Variants in CACNA2D3 observed in about 807,000 individuals in gnomAD.
The protein encoded by CACNA2D3 is voltage-dependent calcium channel subunit alpha-2/delta-3.
CACNA2D3 carries 60 observed loss-of-function variants against 160.6 expected under a neutral mutation model. The ratio of observed to expected loss-of-function variants is 0.37; its 90% CI spans 0.30 to 0.46. CACNA2D3 has a LOEUF of 0.46. Ranked by LOEUF, CACNA2D3 falls within the 20% of genes least tolerant of loss-of-function variation. The probability of loss-of-function intolerance (pLI) is 1.00; values close to 1 mark genes in which losing one functional copy is unlikely to be tolerated. For missense variants in CACNA2D3, 1,205 were observed against 1,365.0 expected, an observed-to-expected ratio of 0.88 and a Z score of 1.85; for synonymous variants, 558 against 492.9, an observed-to-expected ratio of 1.13 and a Z score of -1.75.
intron 24 of CACNA2D3, among the ~76,000 whole-genome samples, chr3:54,888,474 T>G (rs2106860668): frequency 6.6e-6 from 1 of 152,228 alleles, no homozygotes; most frequent in Middle Eastern, 3.4e-3. Flanking sequence ...GTGGTTTTAT[T>G]TCTGAAGTGG....
intron 5 of CACNA2D3, among the ~76,000 whole-genome samples, chr3:54,530,899 T>C (rs1037671413): frequency 2.0e-5 from 3 of 152,194 alleles, no homozygotes; most frequent in African/African-American, 7.2e-5. Context: ...TCATACACAC[T>C]GGCACCACTG....
chr3:54,822,767 TTTC>T (rs1703643549), intron 14 of CACNA2D3, among the ~76,000 whole-genome samples: 6 of 91,996 alleles, frequency 6.5e-5, no homozygotes, highest in East Asian at 3.3e-4. Flanking sequence ...TCTTTCTTTC[TTTC>T]TTTCTTTCTT....
chr3:55,001,434 C>G (rs1575429904), intron 31 of CACNA2D3, among the ~76,000 whole-genome samples: 1 of 152,202 alleles, frequency 6.6e-6, no homozygotes, highest in Non-Finnish European at 1.5e-5. Context: ...AATACTTCCT[C>G]TCTAGCAGGC....
At chr3:54,691,940 CA>C (rs1559550969) in intron 11 of CACNA2D3, among the ~76,000 whole-genome samples, 1 of 152,180 alleles carries the variant, frequency 6.6e-6, no homozygotes, top group African/African-American at 2.4e-5. Flanking sequence ...TTATTACAAA[CA>C]GCTGATAACT....
At chr3:54,180,786 C>T (rs1369725234) in intron 2 of CACNA2D3, among the ~76,000 whole-genome samples, 1 of 152,136 alleles carries the variant, frequency 6.6e-6, no homozygotes, top group Non-Finnish European at 1.5e-5. Context: ...GGTCAGTGAC[C>T]CTAGAGTTGG....
chr3:54,692,935 C>G (rs901236849), intron 11 of CACNA2D3, among the ~76,000 whole-genome samples: 34 of 152,130 alleles, frequency 2.2e-4, no homozygotes, highest in African/African-American at 8.2e-4. Context: ...TGCTTCCACA[C>G]ATGAAATGGC....
intron 9 of CACNA2D3, among the ~76,000 whole-genome samples, chr3:54,593,867 C>G (rs1239947616): frequency 6.6e-6 from 1 of 152,186 alleles, no homozygotes; most frequent in Non-Finnish European, 1.5e-5. Flanking sequence ...TTCCTAATTC[C>G]TGCATAGCAG....
At chr3:54,336,346 T>C (rs1704378090) in intron 3 of CACNA2D3, among the ~76,000 whole-genome samples, 1 of 152,162 alleles carries the variant, frequency 6.6e-6, no homozygotes, top group Non-Finnish European at 1.5e-5. Context: ...TCATTGCTCT[T>C]GCTTGTTTGA....
chr3:55,002,334 T>A (rs960165604), intron 31 of CACNA2D3, among the ~76,000 whole-genome samples: 3 of 152,076 alleles, frequency 2.0e-5, no homozygotes, highest in African/African-American at 7.2e-5. Context: ...CATTGGGCAG[T>A]GGGAAAAGGA....
chr3:54,957,138 C>T (rs1487899918), intron 27 of CACNA2D3, among the ~76,000 whole-genome samples: 2 of 150,836 alleles, frequency 1.3e-5, no homozygotes, highest in Non-Finnish European at 2.9e-5. Flanking sequence ...TGATATAATT[C>T]CTATGAATCA....
At chr3:54,199,103 T>A (rs1381571715) in intron 2 of CACNA2D3, among the ~76,000 whole-genome samples, 1 of 152,248 alleles carries the variant, frequency 6.6e-6, no homozygotes, top group Non-Finnish European at 1.5e-5. Flanking sequence ...AATGATTGTA[T>A]GCCCTATTTC....
chr3:54,614,854 C>T lies in CACNA2D3; in HGVS notation c.964-12933C>T, dbSNP rs151167553. Among the ~76,000 whole-genome samples, 83 of 152,172 alleles carry T rather than the reference C, an allele frequency of 5.5e-4. No individual in the cohort carries two copies. In the East Asian group the frequency reaches 9.7e-3, roughly 18 times the overall value. Reference sequence around the variant, plus strand: ...GGATAAATTAAATATCCCTCCACCACTCCCCAAAAAAACACACAAAAATCA... The same window carrying T: ...GGATAAATTAAATATCCCTCCACCATTCCCCAAAAAAACACACAAAAATCA... On this transcript the variant is annotated intron_variant, in intron 9 of 37. Transcript: ENST00000474759.
chr3:54,339,930 A>G (rs766112944), intron 3 of CACNA2D3, among the ~76,000 whole-genome samples: 34 of 152,276 alleles, frequency 2.2e-4, no homozygotes, highest in Non-Finnish European at 4.1e-4. Flanking sequence ...TTGAGTAACT[A>G]ATTATGAATT....
rs556013054 is a variant in CACNA2D3, at chr3:54,640,587, T to G, written c.1054-1541T>G. Among the ~76,000 whole-genome samples, 4 of 152,292 alleles carry G rather than the reference T, an allele frequency of 2.6e-5. No homozygotes were observed. In the South Asian group the frequency reaches 8.3e-4, roughly 32 times the overall value. Reference sequence around the variant, plus strand: ...TACATAAAGCTGAAAGTTGAAGAAGTCTAGGGTTTTACATACCAGTGAGCG... The same window carrying G: ...TACATAAAGCTGAAAGTTGAAGAAGGCTAGGGTTTTACATACCAGTGAGCG... On this transcript the variant is annotated intron_variant, in intron 10 of 37. Transcript: ENST00000474759.
intron 13 of CACNA2D3, among the ~76,000 whole-genome samples, chr3:54,809,272 A>G (rs960614782): frequency 2.4e-5 from 2 of 82,760 alleles, no homozygotes; most frequent in Non-Finnish European, 5.1e-5. Flanking sequence ...TCCTTCCTTT[A>G]TCTCTTTCTT....
At chr3:54,144,946 TTC>T (rs1213602830) in intron 2 of CACNA2D3, among the ~76,000 whole-genome samples, 2 of 152,244 alleles carry the variant, frequency 1.3e-5, no homozygotes, top group Admixed American at 6.5e-5. Flanking sequence ...TTTAAAGATA[TTC>T]AGAGATTAGT....
chr3:54,710,231 G>T (rs1700930446), intron 11 of CACNA2D3, among the ~76,000 whole-genome samples: 1 of 152,146 alleles, frequency 6.6e-6, no homozygotes, highest in Admixed American at 6.5e-5. Context: ...GCAAATTGTG[G>T]TAAGTATGAT....
chr3:54,374,737 A>G (rs568338477), intron 3 of CACNA2D3, among the ~76,000 whole-genome samples: 2 of 152,226 alleles, frequency 1.3e-5, no homozygotes, highest in South Asian at 4.1e-4. Context: ...TAATAGTTCC[A>G]TCACTCTGCC....
intron 34 of CACNA2D3, among the ~76,000 whole-genome samples, chr3:55,010,346 C>T (rs1290407281): frequency 6.6e-6 from 1 of 151,880 alleles, no homozygotes; most frequent in Admixed American, 6.6e-5. Context: ...ATGCAGTTGA[C>T]CCGTATAAAA....
Sources: gnomAD v4.1 joint callset for allele counts (sites outside exome capture counted in the v4.1 genomes callset) on GRCh38, gnomAD v4.1.1 for gene constraint, MANE v1.5 for transcripts, NCBI Gene and HGNC (gene_info 2026-07-23, HGNC 2026-07-21) for gene names.